UBAC2: variants seen among roughly 807,000 people sequenced by gnomAD.
The protein encoded by UBAC2 is UBA domain containing 2.
Under a neutral mutation model 44.0 loss-of-function variants are expected in UBAC2, and 26 were observed. That is an observed-to-expected ratio of 0.59 (90% CI 0.43 to 0.82). The LOEUF (loss-of-function observed/expected upper bound fraction) is 0.82, where lower values mean the gene tolerates loss of function less well. Ranked by LOEUF, UBAC2 falls within the 40% of genes least tolerant of loss-of-function variation. The pLI, the probability that UBAC2 is intolerant of heterozygous loss-of-function variation, is 0.00. For missense variants in UBAC2, 329 were observed against 419.4 expected (o/e 0.78, Z 1.88); for synonymous variants, 155 against 154.3 (o/e 1.00, Z -0.04).
rs758791519 is a variant in UBAC2, at chr13:99,295,901, G to A, written c.390-18196G>A. 1.9e-6 allele frequency: 3 copies of A among 1,613,162 alleles called. No homozygotes were observed. The highest frequency in any genetic ancestry group is 2.7e-5 in the African/African-American group (2 of 74,980). On this transcript the variant is annotated intron_variant, in intron 4 of 8. Transcript: ENST00000403766. This position sits in a 1 kb window ranked among gnomAD's most constrained non-coding sequence, Gnocchi z 4.1. ...GTAGGCTATTCGTGTAGGCAAAGCG[G>A]TGGTAAAAAGTATATCAGAAATCAC...
Position 99,273,002 on chromosome 13 carries a change from C to CT in UBAC2, c.389+28391dup, listed in dbSNP as rs201905018. 7.9e-3 allele frequency among the ~76,000 whole-genome samples: 1,023 copies of CT among 130,020 alleles called. 8 individuals are homozygous for CT. Among genetic ancestry groups the CT allele is most frequent in the East Asian group, 0.042 (193 of 4,566 alleles). The allele number at this position is 130,020 out of a possible 152,430, so 85.3% of individuals were successfully genotyped here. ...TTGATATCTAGTAGAACAGGTTACTCTTTTTTTTTTTTTGGTTCATCTTTT... is the reference window on the plus strand; with the variant it reads ...TTGATATCTAGTAGAACAGGTTACTCTTTTTTTTTTTTTTGGTTCATCTTTT... On this transcript the variant is annotated intron_variant, in intron 4 of 8. Transcript: ENST00000403766.
intron 4 of UBAC2, among the ~76,000 whole-genome samples, chr13:99,303,893 A>C (rs1594107277): frequency 6.6e-6 from 1 of 151,928 alleles, no homozygotes; most frequent in Non-Finnish European, 1.5e-5. Flanking sequence ...GGCGCCCAGG[A>C]CTCCGTGTTC....
chr13:99,349,292 G>A (rs2045040931), intron 7 of UBAC2, among the ~76,000 whole-genome samples: 1 of 152,216 alleles, frequency 6.6e-6, no homozygotes, highest in Non-Finnish European at 1.5e-5. Flanking sequence ...CTCTACCACT[G>A]GCCCCTGACA....
chr13:99,211,736 T>G (rs1446531092), intron 1 of UBAC2, among the ~76,000 whole-genome samples: 6 of 152,220 alleles, frequency 3.9e-5, no homozygotes, highest in African/African-American at 1.4e-4. Context: ...CACTACTGCT[T>G]CTCAGCCTTA....
chr13:99,275,159 T>C (rs2043866632), intron 4 of UBAC2, among the ~76,000 whole-genome samples: 1 of 152,200 alleles, frequency 6.6e-6, no homozygotes, highest in African/African-American at 2.4e-5. Flanking sequence ...GGTCAGGCAT[T>C]TAAGAGCAGT....
chr13:99,360,938 G>A (rs1023187505), intron 7 of UBAC2, among the ~76,000 whole-genome samples: 5 of 152,116 alleles, frequency 3.3e-5, no homozygotes, highest in East Asian at 1.9e-4. Context: ...TCCTGTGGAC[G>A]CTCGAGTGCC....
chr13:99,341,656 A>C (rs1594145956), intron 7 of UBAC2, among the ~76,000 whole-genome samples: 1 of 152,210 alleles, frequency 6.6e-6, no homozygotes, highest in Non-Finnish European at 1.5e-5. Flanking sequence ...AGCCGAAAGC[A>C]AAGAAGTAGT....
rs1382775582 is a variant in UBAC2 at position 99,215,820 on chromosome 13, C to T, written c.31+14881C>T. ...GGGCTAATCAGACCCGTGGTGAGAT[C>T]CCACCATCTACTCCTTCATCGCACC... On this transcript the variant is annotated intron_variant, in intron 1 of 8. Coordinates refer to ENST00000403766, the MANE Select transcript of UBAC2 (RefSeq NM_001144072.2). 4 of 604,732 alleles carry T rather than the reference C, an allele frequency of 6.6e-6. No homozygotes were observed. In the Middle Eastern group the frequency reaches 7.9e-4, roughly 120 times the overall value. The allele number at this position is 604,732 out of a possible 1,614,324, so 37.5% of individuals were successfully genotyped here.
intron 7 of UBAC2, among the ~76,000 whole-genome samples, chr13:99,366,615 G>C (rs978767345): frequency 1.6e-5 from 2 of 123,066 alleles, no homozygotes; most frequent in South Asian, 4.9e-4. Flanking sequence ...GGGAAGACAG[G>C]CTTTTTAGTT....
intron 8 of UBAC2, among the ~76,000 whole-genome samples, chr13:99,371,063 G>A (rs1262737820): frequency 6.6e-6 from 1 of 152,096 alleles, no homozygotes; most frequent in Non-Finnish European, 1.5e-5. Context: ...GTATTTAAAG[G>A]TGATATATTT....
intron 1 of UBAC2, among the ~76,000 whole-genome samples, chr13:99,227,382 T>TA (rs2142701069): frequency 6.6e-6 from 1 of 152,246 alleles, no homozygotes; most frequent in South Asian, 2.1e-4. Context: ...AGCTGGCTGA[T>TA]AGAGTAACCA....
intron 1 of UBAC2, among the ~76,000 whole-genome samples, chr13:99,203,659 G>A (rs2142632392): frequency 6.6e-6 from 1 of 152,300 alleles, no homozygotes; most frequent in East Asian, 1.9e-4. Context: ...GCATCAAACA[G>A]GCTAACAAGT....
At chr13:99,228,890 T>C (rs1016015476) in intron 1 of UBAC2, among the ~76,000 whole-genome samples, 2 of 152,234 alleles carry the variant, frequency 1.3e-5, no homozygotes, top group Non-Finnish European at 2.9e-5. Flanking sequence ...GAGGAAATAG[T>C]TGGGCTATTT....
At chr13:99,241,027 A>G (rs548916601) in intron 2 of UBAC2, among the ~76,000 whole-genome samples, 1 of 152,214 alleles carries the variant, frequency 6.6e-6, no homozygotes, top group African/African-American at 2.4e-5. Flanking sequence ...TGGGAGGCCA[A>G]CGTTTGTGGA....
intron 4 of UBAC2, among the ~76,000 whole-genome samples, chr13:99,276,620 T>C (rs2043886531): frequency 6.6e-6 from 1 of 152,162 alleles, no homozygotes; most frequent in South Asian, 2.1e-4. Context: ...AGAGTTTTTA[T>C]AGGGCTCCAT....
intron 1 of UBAC2, chr13:99,215,755 C>G (rs2042986279): frequency 7.6e-7 from 1 of 1,314,728 alleles, no homozygotes; most frequent in Non-Finnish European, 1.0e-6. Context: ...TTACCGTCAG[C>G]CATTTCGAGT....
At chr13:99,281,607 G>A (rs147641553) in intron 4 of UBAC2, among the ~76,000 whole-genome samples, 114 of 152,276 alleles carry the variant, frequency 7.5e-4, no homozygotes, top group African/African-American at 2.6e-3. Flanking sequence ...AACCTTCAGC[G>A]CTATTTTCTA....
chr13:99,257,188 C>T (rs927451714), intron 4 of UBAC2, among the ~76,000 whole-genome samples: 1 of 151,820 alleles, frequency 6.6e-6, no homozygotes, highest in Admixed American at 6.6e-5. Context: ...TATTTAAAAA[C>T]ATATTAAATT....
intron 1 of UBAC2, chr13:99,215,640 C>G (rs1219456448): frequency 1.5e-6 from 2 of 1,358,272 alleles, no homozygotes; most frequent in East Asian, 2.3e-5. Context: ...ACCCGTCGTC[C>G]TAGATTTCAG....
Sources: gnomAD v4.1 joint callset for allele counts (sites outside exome capture counted in the v4.1 genomes callset) on GRCh38, gnomAD v4.1.1 for gene constraint, Gnocchi (gnomAD v3.1) non-coding constraint, MANE v1.5 for transcripts, NCBI Gene and HGNC (gene_info 2026-07-23, HGNC 2026-07-21) for gene names.